The following MAGI1 variants were observed in gnomAD, a reference collection of about 807,000 sequenced individuals.
MAGI1 encodes the protein membrane-associated guanylate kinase, WW and PDZ domain-containing protein 1.
MAGI1 carries 58 observed loss-of-function variants against 139.9 expected under a neutral mutation model. The observed-to-expected ratio is 0.41, with a 90% CI of 0.34 to 0.52. The LOEUF is 0.52. MAGI1 is among the 20% of genes least tolerant of loss of function. MAGI1 has a pLI of 0.12. For synonymous variants in MAGI1, 812 were observed against 737.9 expected (o/e 1.10, Z -1.63); for missense variants, 1,874 against 1,901.6 (o/e 0.99, Z 0.27).
chr3:66,038,605 A>T lies in MAGI1; in HGVS notation c.-297T>A. On this transcript the variant is annotated 5_prime_UTR_variant, in exon 1 of 23. Coordinates refer to ENST00000402939, the MANE Select transcript of MAGI1 (RefSeq NM_001033057.2). ...CCCGTGCTCTCCCGGACCAGAGTCCACTCTGCGCCGCTCGGGTTATTTTTT... is the reference window on the plus strand; with the variant it reads ...CCCGTGCTCTCCCGGACCAGAGTCCTCTCTGCGCCGCTCGGGTTATTTTTT... 1 of 376,174 alleles carries T rather than the reference A, an allele frequency of 2.7e-6. No homozygotes were observed. The highest frequency in any genetic ancestry group is 4.7e-6 in the Non-Finnish European group (1 of 212,156). The allele number at this position is 376,174 out of a possible 1,614,324, so 23.3% of individuals were successfully genotyped here.
intron 2 of MAGI1, among the ~76,000 whole-genome samples, chr3:65,563,778 T>G (rs1451358241): frequency 6.6e-6 from 1 of 152,196 alleles, no homozygotes; most frequent in East Asian, 1.9e-4. Context: ...TGCTGATTCA[T>G]TAGGTAGTTA....
chr3:65,766,176 C>T (rs1384852907), intron 1 of MAGI1, among the ~76,000 whole-genome samples: 1 of 152,160 alleles, frequency 6.6e-6, no homozygotes, highest in Non-Finnish European at 1.5e-5. Flanking sequence ...AGTCAACAAA[C>T]TAATCTTCAA....
At chr3:65,611,584 A>G (rs1160872802) in intron 2 of MAGI1, among the ~76,000 whole-genome samples, 1 of 143,108 alleles carries the variant, frequency 7.0e-6, no homozygotes, top group Non-Finnish European at 1.5e-5. Context: ...TATATATACT[A>G]TACTAGTATA....
chr3:65,856,676 A>G (rs1371483651), intron 1 of MAGI1, among the ~76,000 whole-genome samples: 3 of 152,188 alleles, frequency 2.0e-5, no homozygotes, highest in Non-Finnish European at 4.4e-5. Flanking sequence ...ATCACGTGCT[A>G]CACCTCAATG....
At chr3:65,871,470 T>C (rs1039234596) in intron 1 of MAGI1, among the ~76,000 whole-genome samples, 1 of 152,026 alleles carries the variant, frequency 6.6e-6, no homozygotes, top group Non-Finnish European at 1.5e-5. Flanking sequence ...AAAAGCAAAT[T>C]TGGGAATTGC....
At chr3:65,690,822 T>A (rs1448589570) in intron 1 of MAGI1, among the ~76,000 whole-genome samples, 1 of 125,280 alleles carries the variant, frequency 8.0e-6, no homozygotes, top group African/African-American at 3.3e-5. Flanking sequence ...ACTATTATAG[T>A]CTATGTTAAA....
chr3:65,570,881 A>C (rs1344974815), intron 2 of MAGI1, among the ~76,000 whole-genome samples: 1 of 152,250 alleles, frequency 6.6e-6, no homozygotes, highest in Non-Finnish European at 1.5e-5. Context: ...TCTTTCAAAT[A>C]CAATGGTTCA....
At chr3:65,642,139 C>T (rs575633194) in intron 1 of MAGI1, among the ~76,000 whole-genome samples, 1 of 152,212 alleles carries the variant, frequency 6.6e-6, no homozygotes, top group South Asian at 2.1e-4. Context: ...AAATAGAAGG[C>T]TCCCCAAAAT....
chr3:65,652,063 C>T (rs1208447307), intron 1 of MAGI1, among the ~76,000 whole-genome samples: 1 of 152,170 alleles, frequency 6.6e-6, no homozygotes, highest in Non-Finnish European at 1.5e-5. Context: ...TATTTATATA[C>T]ATGCAATCCA....
intron 1 of MAGI1, among the ~76,000 whole-genome samples, chr3:65,734,570 G>A (rs111907804): frequency 0.014 from 2,025 of 146,010 alleles, 34 homozygotes; most frequent in African/African-American, 0.041. Context: ...AGAGAGAGAG[G>A]GAGAGAGAGA....
chr3:65,950,126 G>GTT (rs5849703), intron 1 of MAGI1, among the ~76,000 whole-genome samples: 52,018 of 102,130 alleles, frequency 0.51, 14,758 homozygotes, highest in East Asian at 0.77. Flanking sequence ...CAATATTACT[G>GTT]TTTTTTTTTT....
At chr3:65,942,170 C>A (rs2063345775) in intron 1 of MAGI1, among the ~76,000 whole-genome samples, 1 of 151,708 alleles carries the variant, frequency 6.6e-6, no homozygotes, top group Non-Finnish European at 1.5e-5. Flanking sequence ...ATGCACAGCA[C>A]AGTCTGAGAG....
chr3:65,416,571 G>A (rs34280479), intron 12 of MAGI1, among the ~76,000 whole-genome samples: 24,388 of 152,106 alleles, frequency 0.16, 3,193 homozygotes, highest in East Asian at 0.67. Context: ...AGAATAGCAC[G>A]GTGCTAAAGT....
chr3:65,886,023 A>G (rs1391496332), intron 1 of MAGI1, among the ~76,000 whole-genome samples: 2 of 152,184 alleles, frequency 1.3e-5, no homozygotes, highest in East Asian at 3.8e-4. Context: ...ATTTATCTAT[A>G]TTATCTAACT....
intron 2 of MAGI1, among the ~76,000 whole-genome samples, chr3:65,496,136 G>C (rs1952426088): frequency 6.6e-6 from 1 of 151,960 alleles, no homozygotes; most frequent in Non-Finnish European, 1.5e-5. Context: ...TGAACTACTG[G>C]GCTCAAGAGA....
At position 65,514,252 on chromosome 3, in the gene MAGI1, G is replaced by A. The variant is rs1183861506; in HGVS notation, c.431-20621C>T. Among the ~76,000 whole-genome samples, 1,286 of 147,822 alleles carry A rather than the reference G, an allele frequency of 8.7e-3. 8 individuals carry two copies. Among genetic ancestry groups the A allele is most frequent in the Non-Finnish European group, 0.012 (835 of 66,962 alleles). On this transcript the variant is annotated intron_variant, in intron 2 of 22. Transcript: ENST00000402939. ...CCATTCAGGACATAGGCATGGGCAAGGACTTCATGTCCAAAACACCAAAAG... is the reference window on the plus strand; with the variant it reads ...CCATTCAGGACATAGGCATGGGCAAAGACTTCATGTCCAAAACACCAAAAG...
In MAGI1 at chr3:65,541,920, G is replaced by A. The variant is rs994455870; in HGVS notation, c.431-48289C>T. On this transcript the variant is annotated intron_variant, in intron 2 of 22. Transcript: ENST00000402939. ...AACATAGTGTTGGAAGTTCTGGCCA[G>A]GGCAATCAGGCAGGAGAAAGAAATA... Among the ~76,000 whole-genome samples the A allele has an allele frequency of 2.0e-5, 3 of 152,104 alleles. No individual in the cohort carries two copies. The East Asian group carries it at 5.8e-4, about 29-fold the overall frequency.
chr3:65,737,091 A>G (rs994412647), intron 1 of MAGI1, among the ~76,000 whole-genome samples: 7 of 150,256 alleles, frequency 4.7e-5, no homozygotes, highest in African/African-American at 9.8e-5. Context: ...TACAAGCTCC[A>G]CCTCCTGGGT....
At chr3:65,697,112 T>C (rs2089266929) in intron 1 of MAGI1, among the ~76,000 whole-genome samples, 1 of 152,048 alleles carries the variant, frequency 6.6e-6, no homozygotes, top group Non-Finnish European at 1.5e-5. Context: ...ACAAATAAAC[T>C]AGAAAATCTA....
Sources: gnomAD v4.1 joint callset for allele counts (sites outside exome capture counted in the v4.1 genomes callset) on GRCh38, gnomAD v4.1.1 for gene constraint, MANE v1.5 for transcripts, NCBI Gene and HGNC (gene_info 2026-07-23, HGNC 2026-07-21) for gene names.